Variants in USP4 observed in about 807,000 individuals in gnomAD.
The protein encoded by USP4 is ubiquitin carboxyl-terminal hydrolase 4.
USP4 carries 72 observed loss-of-function variants against 118.2 expected under a neutral mutation model. The ratio of observed to expected loss-of-function variants is 0.61; its 90% confidence interval spans 0.50 to 0.74. The LOEUF (loss-of-function observed/expected upper bound fraction) is 0.74. Among genes scored for constraint, USP4 ranks in the 30% least tolerant of loss-of-function variants. The probability of loss-of-function intolerance (pLI) is 0.00; values close to 1 mark genes in which losing one functional copy is unlikely to be tolerated. For missense variants in USP4, 1,037 were observed against 1,185.7 expected (o/e 0.87, Z 1.84); for synonymous variants, 415 against 440.4 (o/e 0.94, Z 0.72).
intron 2 of USP4, among the ~76,000 whole-genome samples, chr3:49,328,250 C>T (rs1316747804): frequency 6.6e-6 from 1 of 151,630 alleles, no homozygotes; most frequent in Non-Finnish European, 1.5e-5. Flanking sequence ...CCCAGCTACT[C>T]GGGAGGCTGA....
intron 9 of USP4, among the ~76,000 whole-genome samples, 155 bp downstream of exon 9, chr3:49,305,560 A>C (rs2047305474): frequency 6.6e-6 from 1 of 152,016 alleles, no homozygotes; most frequent in Non-Finnish European, 1.5e-5. Context: ...TGCTCACTGA[A>C]ACATTTTAGA....
At chr3:49,317,483 T>A (rs2047451998) in intron 6 of USP4, 1 of 654,942 alleles carries the variant, frequency 1.5e-6, no homozygotes, top group South Asian at 1.7e-5. Context: ...GGCCCCCTAT[T>A]TTTTTTTTTG....
Position 49,285,406 on chromosome 3 carries a change from A to G in USP4, c.2201-487T>C, listed in dbSNP as rs370636685. Among the ~76,000 whole-genome samples the G allele has an allele frequency of 3.1e-4, 47 of 152,248 alleles. No individual in the cohort carries two copies. In the South Asian group the frequency reaches 9.5e-3, roughly 31 times the overall value. On this transcript the variant is annotated intron_variant, in intron 16 of 21. Transcript: ENST00000265560. ...AGGGGAAGATTAAGCTGAAAAGTCAAAGACTGGAGTTTGAGAAGATGGCTA... is the reference window on the plus strand; with the variant it reads ...AGGGGAAGATTAAGCTGAAAAGTCAGAGACTGGAGTTTGAGAAGATGGCTA...
At position 49,325,057 on chromosome 3, in the gene USP4, T is replaced by C; in HGVS notation, c.488-18A>G. Reference sequence around the variant, plus strand: ...GATGGTTGCTAGGAACAGGCAGAAATATCACTTGGGGCTTTGTCCACATGC... The same window carrying C: ...GATGGTTGCTAGGAACAGGCAGAAACATCACTTGGGGCTTTGTCCACATGC... On this transcript the variant is annotated intron_variant, in intron 4 of 21. Coordinates refer to ENST00000265560, the MANE Select transcript of USP4 (RefSeq NM_003363.4). The C allele has an allele frequency of 6.2e-7, 1 of 1,609,902 alleles. No individual in the cohort carries two copies. The highest frequency in any genetic ancestry group is 1.1e-5 in the South Asian group (1 of 90,990).
rs769716688 is a variant in USP4 at position 49,278,417 on chromosome 3, C to T, written c.2768G>A (p.Arg923Gln). 3.1e-6 allele frequency: 5 copies of T among 1,613,976 alleles called. No individual in the cohort carries two copies. Among genetic ancestry groups the T allele is most frequent in the South Asian group, 2.2e-5 (2 of 91,080 alleles). The change falls in exon 22 of 22, where the codon CGA becomes CAA. Residue 923 changes from arginine to glutamine, a missense_variant. Arg to Gln is a conservative substitution (Grantham distance 43). This residue lies in a region of USP4 where 522 missense variants were observed against 592.6 expected (regional missense o/e 0.88). Transcript: ENST00000265560. ...AGGTGTCTTATAAAATTCATCATCT[C>T]GACGTTGGTAAAATAGCACATAAGC... ...KAAYVLFYQR[R>Q]DDEFYKTPSL...
At chr3:49,325,873 A>G (rs755207159) in intron 3 of USP4, 28 bp from the exon 4 acceptor site, 4 of 1,610,574 alleles carry the variant, frequency 2.5e-6, no homozygotes, top group Non-Finnish European at 3.4e-6. Flanking sequence ...GGGTGAGGGC[A>G]TAGCGGTTTT....
At chr3:49,303,698 T>A (rs1032140163) in intron 9 of USP4, among the ~76,000 whole-genome samples, 1 of 152,062 alleles carries the variant, frequency 6.6e-6, no homozygotes, top group African/African-American at 2.4e-5. Context: ...CCCTAAACAC[T>A]ACCTTCCAGT....
intron 1 of USP4, among the ~76,000 whole-genome samples, chr3:49,337,492 C>T (rs911167545): frequency 6.6e-6 from 1 of 152,154 alleles, no homozygotes; most frequent in Non-Finnish European, 1.5e-5. Context: ...TGCAGTGGCA[C>T]AATCATAGCT....
chr3:49,285,886 C>T (rs1035144046), intron 16 of USP4, among the ~76,000 whole-genome samples: 1 of 152,144 alleles, frequency 6.6e-6, no homozygotes. Context: ...CTACTTTCCT[C>T]TGAGGTCATC....
intron 6 of USP4, among the ~76,000 whole-genome samples, chr3:49,323,992 C>CT (rs978816426): frequency 2.6e-5 from 4 of 151,116 alleles, no homozygotes; most frequent in South Asian, 2.1e-4. Flanking sequence ...CAAGCTATCA[C>CT]TTTTTTTTTG....
chr3:49,332,279 AAAACAAAC>A (rs577378790), intron 2 of USP4, among the ~76,000 whole-genome samples: 6 of 151,984 alleles, frequency 3.9e-5, no homozygotes, highest in Admixed American at 1.3e-4. Context: ...TCTGTCTTAC[AAAACAAAC>A]AAACAAACAA....
At chr3:49,329,326 T>G (rs1432571111) in intron 2 of USP4, among the ~76,000 whole-genome samples, 1 of 152,304 alleles carries the variant, frequency 6.6e-6, no homozygotes, top group East Asian at 1.9e-4. Context: ...CATCCGTAAG[T>G]GTTGGAATGA....
intron 20 of USP4, 71 bp from the exon 21 acceptor site, chr3:49,278,973 A>G: frequency 9.9e-7 from 1 of 1,007,668 alleles, no homozygotes; most frequent in Non-Finnish European, 1.4e-6. Flanking sequence ...TTAGGCTTGC[A>G]CTAAATAAAC....
Position 49,339,999 on chromosome 3 carries a change from T to G in USP4, c.26A>C (p.Glu9Ala). The G allele has an allele frequency of 6.2e-7, 1 of 1,610,490 alleles. No homozygotes were observed. MAEGGGCR[E>A]RPDAETQKSE... ...CTTCTGAGTCTCCGCATCCGGTCGC[T>G]CACGGCAGCCTCCACCTTCCGCCAT... Residue 9 changes from glutamate to alanine, a missense_variant, in exon 1 of 22, where the codon GAG becomes GCG. Coordinates refer to ENST00000265560, the MANE Select transcript of USP4 (RefSeq NM_003363.4).
chr3:49,324,416 G>A (rs2047530494), intron 6 of USP4, among the ~76,000 whole-genome samples: 1 of 152,136 alleles, frequency 6.6e-6, no homozygotes, highest in African/African-American at 2.4e-5. Context: ...GCAACCTCCT[G>A]GTAGAGCAGC....
chr3:49,280,593 CAGAG>C (rs908896197), intron 20 of USP4, 147 bp downstream of exon 20: 19 of 303,890 alleles, frequency 6.3e-5, no homozygotes, highest in Non-Finnish European at 7.2e-5. Context: ...TAAAAAAAAA[CAGAG>C]AGGGGAATCA....
At position 49,294,456 on chromosome 3, in the gene USP4, G is replaced by A. The variant is rs768453352; in HGVS notation, c.1834C>T (p.His612Tyr). ...TACAAAGACTCAAGGGTTAACTTGT[G>A]CTTGGGGACAGAAAGCAATAGTGGC... is the stretch of plus-strand genomic sequence containing the variant. Reference protein sequence around the residue: ...GQPLLLSVPKHKLTLESLYQA... With the variant: ...GQPLLLSVPKYKLTLESLYQA... Residue 612 changes from histidine (H) to tyrosine (Y), a missense_variant, in exon 14 of 22, where the codon CAC (histidine) becomes TAC (tyrosine). Around this residue, in one of 3 missense-constraint regions of USP4, gnomAD observed 522 missense variants for 592.6 expected, o/e 0.88. Transcript: ENST00000265560. 12 of 1,614,218 alleles carry A rather than the reference G, an allele frequency of 7.4e-6. No individual in the cohort carries two copies. Among genetic ancestry groups the A allele is most frequent in the African/African-American group, 1.3e-5 (1 of 75,052 alleles).
At chr3:49,279,799 C>G (rs1403069636) in intron 20 of USP4, among the ~76,000 whole-genome samples, 1 of 152,188 alleles carries the variant, frequency 6.6e-6, no homozygotes, top group African/African-American at 2.4e-5. Context: ...AAGGCCAGTT[C>G]ACACAGTCTG....
At chr3:49,289,043 G>A (rs1398734476) in intron 15 of USP4, among the ~76,000 whole-genome samples, 2 of 152,128 alleles carry the variant, frequency 1.3e-5, no homozygotes, top group Non-Finnish European at 2.9e-5. Flanking sequence ...CCCAGGGAAC[G>A]GAGGTTGCCG....
Sources: gnomAD v4.1 joint callset for allele counts (sites outside exome capture counted in the v4.1 genomes callset) on GRCh38, gnomAD v4.1.1 for gene constraint, gnomAD v4.1.1 regional missense constraint, MANE v1.5 for transcripts, NCBI Gene and HGNC (gene_info 2026-07-23, HGNC 2026-07-21) for gene names.